RLBP1: variants seen among roughly 807,000 people sequenced by gnomAD.
RLBP1 encodes retinaldehyde binding protein 1, also known as retinaldehyde-binding protein 1.
RLBP1 carries 26 observed loss-of-function variants against 36.2 expected under a neutral mutation model. The ratio of observed to expected loss-of-function variants is 0.72; its 90% CI spans 0.53 to 1.00. The LOEUF (loss-of-function observed/expected upper bound fraction) is 1.00. RLBP1 is among the 50% of genes least tolerant of loss of function. RLBP1 has a pLI of 0.00. For missense variants in RLBP1, 410 were observed against 402.4 expected (o/e 1.02, Z -0.16); for synonymous variants, 155 against 156.2 (o/e 0.99, Z 0.06).
rs965111895 is a variant in RLBP1 at position 89,211,204 on chromosome 15, C to G, written c.685-395G>C. 6.6e-6 allele frequency among the ~76,000 whole-genome samples: 1 copy of G among 152,168 alleles called. No homozygotes were observed. Among genetic ancestry groups the G allele is most frequent in the Non-Finnish European group, 1.5e-5 (1 of 68,020 alleles). On this transcript the variant is annotated intron_variant, in intron 7 of 8. Coordinates refer to ENST00000268125, the MANE Select transcript of RLBP1 (RefSeq NM_000326.5). This position sits in a 1 kb window ranked among gnomAD's most constrained non-coding sequence, Gnocchi z 5.8. ...ATCATCCCTCATTGTCCATCAGCCCCTCCCACAACCTCCACCTCCCACCCC... is the reference window on the plus strand; with the variant it reads ...ATCATCCCTCATTGTCCATCAGCCCGTCCCACAACCTCCACCTCCCACCCC...
In RLBP1 at chr15:89,217,276, G is replaced by T. The variant is rs561618945; in HGVS notation, c.190C>A (p.Arg64=). 1.2e-5 allele frequency: 19 copies of T among 1,609,802 alleles called. No homozygotes were observed. The African/African-American group carries it at 2.3e-4, about 19-fold the overall frequency. The part of the protein sequence containing the change: ...EREETREEAV[R]ELQEMVQAQA... The stretch of plus-strand genomic sequence containing the variant: ...GCCTGCACCATCTCCTGCAGCTCTC[G>T]CACTGCCTCCTCCCGGGTCTCCTCT... The change falls in exon 5 of 9, where the codon CGA becomes AGA. Residue 64 remains arginine, a synonymous_variant. Coordinates refer to ENST00000268125, the MANE Select transcript of RLBP1 (RefSeq NM_000326.5).
Position 89,218,431 on chromosome 15 carries a change from A to AT in RLBP1, c.141+133_141+134insA. ...CGTGACCACCAGGAAGGACCTTAGA[A>AT]CCGGCCAGTCTATCAGGTCCAGGAT... is the stretch of plus-strand genomic sequence containing the variant. On this transcript the variant is annotated intron_variant, in intron 4 of 8. Coordinates refer to ENST00000268125, the MANE Select transcript of RLBP1 (RefSeq NM_000326.5). This position sits in a 1 kb window ranked among gnomAD's most constrained non-coding sequence, Gnocchi z 4.6. 1 of 1,357,200 alleles carries AT rather than the reference A, an allele frequency of 7.4e-7. No homozygotes were observed. Among genetic ancestry groups the AT allele is most frequent in the Admixed American group, 1.7e-5 (1 of 57,358 alleles). 84.1% of individuals were successfully genotyped at this position (1,357,200 alleles called of 1,614,324 possible).
chr15:89,217,178 G>A lies in RLBP1; in HGVS notation c.288C>T (p.Phe96=), dbSNP rs748911099. ...ERVQEKDSGF[F]LRFIRARKFN... ...ACTTCCGTGCGCGGATGAAGCGCAG[G>A]AAGAAGCCGCTGTCCTTCTCTTGCA... Residue 96 remains phenylalanine, a synonymous_variant, in exon 5 of 9, where the codon TTC becomes TTT. Transcript: ENST00000268125. The A allele has an allele frequency of 5.6e-6, 9 of 1,613,908 alleles. No individual in the cohort carries two copies. Among genetic ancestry groups the A allele is most frequent in the Non-Finnish European group, 7.6e-6 (9 of 1,180,038 alleles).
chr15:89,212,953 G>A (rs1427948028), intron 6 of RLBP1, among the ~76,000 whole-genome samples: 2 of 151,950 alleles, frequency 1.3e-5, no homozygotes, highest in Admixed American at 6.6e-5. Flanking sequence ...GGCTGGACTC[G>A]AACTCCTGAC....
rs1567124233 is a variant in RLBP1 at position 89,218,202 on chromosome 15, G to A, written c.141+363C>T. ...TCTGCCTAAGGTCACACAGCAAGCT[G>A]AAAGTAGGTCTGGTTCTGGAACTCA... On this transcript the variant is annotated intron_variant, in intron 4 of 8. Coordinates refer to ENST00000268125, the MANE Select transcript of RLBP1 (RefSeq NM_000326.5). The surrounding 1 kb of genome is among the most constrained non-coding windows in gnomAD (Gnocchi z 4.6). Among the ~76,000 whole-genome samples the A allele has an allele frequency of 6.6e-6, 1 of 152,254 alleles. No individual in the cohort carries two copies. Among genetic ancestry groups the A allele is most frequent in the South Asian group, 2.1e-4 (1 of 4,834 alleles).
chr15:89,217,630 T>A (rs2150971488), intron 4 of RLBP1, among the ~76,000 whole-genome samples: 1 of 152,380 alleles, frequency 6.6e-6, no homozygotes, highest in East Asian at 1.9e-4. Flanking sequence ...CTGTGTTTTT[T>A]AATCTTTGCC....
chr15:89,212,116 G>C (rs765532803), intron 6 of RLBP1, among the ~76,000 whole-genome samples: 1 of 152,162 alleles, frequency 6.6e-6, no homozygotes, highest in Non-Finnish European at 1.5e-5. Context: ...CAGTACTCTT[G>C]CAATAGTGGG....
At position 89,215,219 on chromosome 15, in the gene RLBP1, C is replaced by T. The variant is rs2051570008; in HGVS notation, c.366G>A (p.Leu122=). The T allele has an allele frequency of 6.2e-7, 1 of 1,614,170 alleles. No homozygotes were observed. Among genetic ancestry groups the T allele is most frequent in the African/African-American group, 1.3e-5 (1 of 75,038 alleles). ...ELLRGYVNFR[L]QYPELFDSLS... Reference sequence around the variant, plus strand: ...GGCTGTCAAAGAGCTCAGGGTACTGCAGCCGGAAATTCACATAGCCTGGAG... The same window carrying T: ...GGCTGTCAAAGAGCTCAGGGTACTGTAGCCGGAAATTCACATAGCCTGGAG... Residue 122 remains leucine, a synonymous_variant, in exon 6 of 9, where the codon CTG becomes CTA. Transcript: ENST00000268125.
In RLBP1 at chr15:89,218,406, C is replaced by T. The variant is rs944950767; in HGVS notation, c.141+159G>A. On this transcript the variant is annotated intron_variant, in intron 4 of 8. Coordinates refer to ENST00000268125, the MANE Select transcript of RLBP1 (RefSeq NM_000326.5). This position sits in a 1 kb window ranked among gnomAD's most constrained non-coding sequence, Gnocchi z 4.6. ...TGGTCAACCCAGTTGCTGCCATAGCCGTGACCACCAGGAAGGACCTTAGAA... is the reference window on the plus strand; with the variant it reads ...TGGTCAACCCAGTTGCTGCCATAGCTGTGACCACCAGGAAGGACCTTAGAA... 1.3e-5 allele frequency among the ~76,000 whole-genome samples: 2 copies of T among 152,220 alleles called. No individual in the cohort carries two copies. Among genetic ancestry groups the T allele is most frequent in the Non-Finnish European group, 2.9e-5 (2 of 68,040 alleles).
At chr15:89,217,846 T>C (rs2051594969) in intron 4 of RLBP1, among the ~76,000 whole-genome samples, 1 of 152,190 alleles carries the variant, frequency 6.6e-6, no homozygotes, top group Admixed American at 6.5e-5. Flanking sequence ...GCAGCCTGCC[T>C]CCTGCCCAGA....
rs900630286 is a variant in RLBP1, at chr15:89,218,182, C to A, written c.141+383G>T. On this transcript the variant is annotated intron_variant, in intron 4 of 8. Coordinates refer to ENST00000268125, the MANE Select transcript of RLBP1 (RefSeq NM_000326.5). This position sits in a 1 kb window ranked among gnomAD's most constrained non-coding sequence, Gnocchi z 4.6. ...GACCCAGAGATGGAAAGCAATCTGC[C>A]TAAGGTCACACAGCAAGCTGAAAGT... is the stretch of plus-strand genomic sequence containing the variant. Among the ~76,000 whole-genome samples the A allele has an allele frequency of 5.9e-5, 9 of 152,218 alleles. No individual in the cohort carries two copies. Among genetic ancestry groups the A allele is most frequent in the Admixed American group, 6.5e-5 (1 of 15,278 alleles).
rs966970756 is a variant in RLBP1, at chr15:89,214,657, C to G, written c.525+403G>C. Among the ~76,000 whole-genome samples, 8 of 152,068 alleles carry G rather than the reference C, an allele frequency of 5.3e-5. No homozygotes were observed. The highest frequency in any genetic ancestry group is 1.0e-4 in the Non-Finnish European group (7 of 68,014). On this transcript the variant is annotated intron_variant, in intron 6 of 8. Coordinates refer to ENST00000268125, the MANE Select transcript of RLBP1 (RefSeq NM_000326.5). The surrounding 1 kb of genome is among the most constrained non-coding windows in gnomAD (Gnocchi z 4.6). Reference sequence around the variant, plus strand: ...TTGCGAGCACAAAGAACTCGGGCTCCTAAATAGATTGGAACCTGTGCTTTC... The same window carrying G: ...TTGCGAGCACAAAGAACTCGGGCTCGTAAATAGATTGGAACCTGTGCTTTC...
At position 89,210,459 on chromosome 15, in the gene RLBP1, G is replaced by A. The variant is rs2051527893; in HGVS notation, c.796-16C>T. ...GGACAAAGACCTGCAGGGAAGCAAG[G>A]GAGACAGAACTGAGCAGGAGGAGGT... On this transcript the variant is annotated splice_polypyrimidine_tract_variant and intron_variant, in intron 8 of 8. Coordinates refer to ENST00000268125, the MANE Select transcript of RLBP1 (RefSeq NM_000326.5). This position sits in a 1 kb window ranked among gnomAD's most constrained non-coding sequence, Gnocchi z 4.7. 1 of 1,614,020 alleles carries A rather than the reference G, an allele frequency of 6.2e-7. No homozygotes were observed.
Position 89,210,698 on chromosome 15 carries a change from C to T in RLBP1, c.795+1G>A. On this transcript the variant is annotated splice_donor_variant, in intron 8 of 8. Coordinates refer to ENST00000268125, the MANE Select transcript of RLBP1 (RefSeq NM_000326.5). LOFTEE classifies it high-confidence loss of function. The surrounding 1 kb of genome is among the most constrained non-coding windows in gnomAD (Gnocchi z 4.7). The stretch of plus-strand genomic sequence containing the variant: ...ATTGTCTGGGCGGCCCACGTACTCA[C>T]CCTCTCAAGCAGCTTGCTCTTCAAG... The T allele has an allele frequency of 6.3e-7, 1 of 1,587,200 alleles. No individual in the cohort carries two copies. Among genetic ancestry groups the T allele is most frequent in the Non-Finnish European group, 8.6e-7 (1 of 1,163,830 alleles).
In RLBP1 at chr15:89,210,843, G is replaced by T; in HGVS notation, c.685-34C>A. Reference sequence around the variant, plus strand: ...ACAGAGAGATACCCCGTTCCCCATGGCCCCAGTGACCTCAGAGGCTCCCAC... The same window carrying T: ...ACAGAGAGATACCCCGTTCCCCATGTCCCCAGTGACCTCAGAGGCTCCCAC... On this transcript the variant is annotated intron_variant, in intron 7 of 8. Coordinates refer to ENST00000268125, the MANE Select transcript of RLBP1 (RefSeq NM_000326.5). The surrounding 1 kb of genome is among the most constrained non-coding windows in gnomAD (Gnocchi z 4.7). 2 of 1,441,554 alleles carry T rather than the reference G, an allele frequency of 1.4e-6. No individual in the cohort carries two copies. The highest frequency in any genetic ancestry group is 9.6e-7 in the Non-Finnish European group (1 of 1,046,928). The allele number at this position is 1,441,554 out of a possible 1,614,324, so 89.3% of individuals were successfully genotyped here.
Position 89,218,617 on chromosome 15 carries a change from T to TG in RLBP1, c.88dup (p.His30ProfsTer22). 6.2e-7 allele frequency: 1 copy of TG among 1,614,214 alleles called. No homozygotes were observed. On this transcript the variant is annotated frameshift_variant, in exon 4 of 9. Coordinates refer to ENST00000268125, the MANE Select transcript of RLBP1 (RefSeq NM_000326.5). LOFTEE classifies it high-confidence loss of function. This position sits in a 1 kb window ranked among gnomAD's most constrained non-coding sequence, Gnocchi z 4.6. ...GCTGCACGGGCCAAAGACAGGTCCA[T>TG]GGTCCTTGGTTGTGAGCTGCTCCAG...
At chr15:89,216,362 G>C (rs1431464658) in intron 5 of RLBP1, among the ~76,000 whole-genome samples, 2 of 148,526 alleles carry the variant, frequency 1.3e-5, no homozygotes, top group African/African-American at 2.5e-5. Flanking sequence ...TGCTCTTGTT[G>C]CCCAGGCTGG....
chr15:89,215,874 G>A (rs1016775296), intron 5 of RLBP1, among the ~76,000 whole-genome samples: 2 of 152,174 alleles, frequency 1.3e-5, no homozygotes, highest in Non-Finnish European at 2.9e-5. Context: ...CCTGGCCTTT[G>A]TCTTTGCTGT....
Position 89,214,440 on chromosome 15 carries a change from G to T in RLBP1, c.525+620C>A, listed in dbSNP as rs1054580914. Among the ~76,000 whole-genome samples the T allele has an allele frequency of 6.6e-6, 1 of 152,160 alleles. No homozygotes were observed. The highest frequency in any genetic ancestry group is 1.5e-5 in the Non-Finnish European group (1 of 68,030). On this transcript the variant is annotated intron_variant, in intron 6 of 8. Transcript: ENST00000268125. The surrounding 1 kb of genome is among the most constrained non-coding windows in gnomAD (Gnocchi z 4.6). Reference sequence around the variant, plus strand: ...CATGCCACTGCACTCCAGCCTGGGTGACCAGAGCGAGACTCCATCTCAAAA... The same window carrying T: ...CATGCCACTGCACTCCAGCCTGGGTTACCAGAGCGAGACTCCATCTCAAAA...
Sources: gnomAD v4.1 joint callset for allele counts (sites outside exome capture counted in the v4.1 genomes callset) on GRCh38, gnomAD v4.1.1 for gene constraint, Gnocchi (gnomAD v3.1) non-coding constraint, MANE v1.5 for transcripts, NCBI Gene and HGNC (gene_info 2026-07-23, HGNC 2026-07-21) for gene names.